The following XKR4 variants were observed in gnomAD, a reference collection of about 807,000 sequenced individuals.
XKR4 encodes XK-related protein 4.
XKR4 carries 12 observed loss-of-function variants against 53.9 expected under a neutral mutation model. The observed-to-expected ratio is 0.22, with a 90% CI of 0.14 to 0.36. XKR4 has a LOEUF of 0.36. XKR4 is among the 10% of genes least tolerant of loss of function. The probability of loss-of-function intolerance (pLI) is 1.00; values close to 1 mark genes in which losing one functional copy is unlikely to be tolerated. For missense variants in XKR4, 799 were observed against 859.5 expected (o/e 0.93, Z 0.88); for synonymous variants, 354 against 362.4 (o/e 0.98, Z 0.26).
chr8:55,335,424 GA>G (rs948907921), intron 1 of XKR4, among the ~76,000 whole-genome samples: 2 of 151,730 alleles, frequency 1.3e-5, no homozygotes, highest in African/African-American at 2.4e-5. Flanking sequence ...GACACTGCGA[GA>G]AAAAAATAAA....
At chr8:55,154,139 G>T (rs778232144) in intron 1 of XKR4, among the ~76,000 whole-genome samples, 1 of 152,194 alleles carries the variant, frequency 6.6e-6, no homozygotes, top group Non-Finnish European at 1.5e-5. Flanking sequence ...GGGAAGATTA[G>T]TAGCATTTCT....
At chr8:55,335,081 G>A (rs1334352496) in intron 1 of XKR4, among the ~76,000 whole-genome samples, 1 of 152,150 alleles carries the variant, frequency 6.6e-6, no homozygotes, top group African/African-American at 2.4e-5. Flanking sequence ...ACAACATAGG[G>A]CCTGGATTGT....
chr8:55,190,962 C>A (rs1383191094), intron 1 of XKR4, among the ~76,000 whole-genome samples: 1 of 152,154 alleles, frequency 6.6e-6, no homozygotes, highest in Non-Finnish European at 1.5e-5. Flanking sequence ...TAATGCCAAC[C>A]TTTTCGTTTT....
intron 1 of XKR4, among the ~76,000 whole-genome samples, chr8:55,140,618 T>C (rs1254525467): frequency 1.3e-5 from 2 of 152,218 alleles, no homozygotes; most frequent in African/African-American, 4.8e-5. Context: ...TTGTTGTTCA[T>C]ATTGGAATGG....
At chr8:55,419,203 G>A (rs1804891672) in intron 2 of XKR4, among the ~76,000 whole-genome samples, 1 of 152,084 alleles carries the variant, frequency 6.6e-6, no homozygotes, top group Admixed American at 6.6e-5. Flanking sequence ...TGGCCAACAT[G>A]GTGAAACCCC....
At chr8:55,468,825 T>C (rs1453892794) in intron 2 of XKR4, among the ~76,000 whole-genome samples, 2 of 152,192 alleles carry the variant, frequency 1.3e-5, no homozygotes, top group Non-Finnish European at 2.9e-5. Context: ...GCTTATATTC[T>C]TTCTTTGCCC....
intron 2 of XKR4, chr8:55,450,882 A>G: frequency 4.2e-6 from 2 of 472,398 alleles, no homozygotes; most frequent in Non-Finnish European, 4.0e-6. Flanking sequence ...CCCCCCTCCC[A>G]GCACCGACAC....
intron 2 of XKR4, among the ~76,000 whole-genome samples, chr8:55,494,373 CTCT>C (rs1397085245): frequency 6.6e-6 from 1 of 152,252 alleles, no homozygotes; most frequent in Non-Finnish European, 1.5e-5. Flanking sequence ...CACAGCTCTC[CTCT>C]TCTTTTCTTC....
chr8:55,181,143 A>G (rs1585923586), intron 1 of XKR4, among the ~76,000 whole-genome samples: 1 of 152,210 alleles, frequency 6.6e-6, no homozygotes, highest in Admixed American at 6.5e-5. Flanking sequence ...CTTATTTAGG[A>G]CACCTACTCT....
chr8:55,292,438 C>T (rs1819043426), intron 1 of XKR4, among the ~76,000 whole-genome samples: 1 of 151,964 alleles, frequency 6.6e-6, no homozygotes, highest in Admixed American at 6.6e-5. Context: ...TTTATATGTA[C>T]AGAATTGTTC....
intron 2 of XKR4, among the ~76,000 whole-genome samples, chr8:55,490,858 T>C (rs1806262728): frequency 6.6e-6 from 1 of 152,236 alleles, no homozygotes; most frequent in South Asian, 2.1e-4. Context: ...TTGTGGTTTG[T>C]TGAGAACCTT....
intron 1 of XKR4, among the ~76,000 whole-genome samples, chr8:55,197,381 C>G (rs1285628985): frequency 6.6e-6 from 1 of 152,132 alleles, no homozygotes; most frequent in East Asian, 1.9e-4. Flanking sequence ...TGTTAAGGAA[C>G]TGCTTGCGAA....
At chr8:55,365,991 C>A (rs527392259) in intron 2 of XKR4, among the ~76,000 whole-genome samples, 2 of 152,172 alleles carry the variant, frequency 1.3e-5, no homozygotes, top group Non-Finnish European at 2.9e-5. Flanking sequence ...TGGAACATTC[C>A]GGCTGCGGAG....
intron 1 of XKR4, among the ~76,000 whole-genome samples, chr8:55,163,122 C>T (rs117625524): frequency 3.2e-3 from 493 of 152,268 alleles, no homozygotes; most frequent in Non-Finnish European, 5.2e-3. Flanking sequence ...TGTCTCTCTC[C>T]CTAAAATAAA....
At chr8:55,404,254 T>C (rs1804653931) in intron 2 of XKR4, among the ~76,000 whole-genome samples, 1 of 152,098 alleles carries the variant, frequency 6.6e-6, no homozygotes. Context: ...GATAGGTAGA[T>C]AGATGACAGA....
At chr8:55,474,179 G>C (rs1210928627) in intron 2 of XKR4, among the ~76,000 whole-genome samples, 4 of 152,014 alleles carry the variant, frequency 2.6e-5, no homozygotes, top group Non-Finnish European at 5.9e-5. Flanking sequence ...CAACACACTG[G>C]GATTACAGGC....
At chr8:55,449,584 G>T in intron 2 of XKR4, 1 of 1,308,596 alleles carries the variant, frequency 7.6e-7, no homozygotes, top group Non-Finnish European at 1.1e-6. Context: ...CACAAAAGTC[G>T]TAAACGCGAG....
At chr8:55,515,699 C>A (rs1806702771) in intron 2 of XKR4, among the ~76,000 whole-genome samples, 1 of 152,182 alleles carries the variant, frequency 6.6e-6, no homozygotes, top group South Asian at 2.1e-4. Flanking sequence ...GTGCTTGTGC[C>A]TCTGATCCAT....
At chr8:55,379,162 G>A (rs925052813) in intron 2 of XKR4, among the ~76,000 whole-genome samples, 1 of 152,120 alleles carries the variant, frequency 6.6e-6, no homozygotes. Context: ...CCTGCTGGTG[G>A]CCGGGAAGAA....
Sources: gnomAD v4.1 joint callset for allele counts (sites outside exome capture counted in the v4.1 genomes callset) on GRCh38, gnomAD v4.1.1 for gene constraint, MANE v1.5 for transcripts, NCBI Gene and HGNC (gene_info 2026-07-23, HGNC 2026-07-21) for gene names.